The following CMTM7 variants were observed in gnomAD, a reference collection of about 807,000 sequenced individuals.
The protein encoded by CMTM7 is CKLF like MARVEL transmembrane domain containing 7.
In CMTM7, 7 loss-of-function variants were observed where a neutral mutation model predicts 19.3. The observed-to-expected ratio is 0.36, with a 90% CI of 0.21 to 0.68. CMTM7 has a LOEUF of 0.68. Among genes scored for constraint, CMTM7 ranks in the 30% least tolerant of loss-of-function variants. CMTM7 has a pLI of 0.60. For missense variants in CMTM7, 193 were observed against 232.6 expected (o/e 0.83, Z 1.11); for synonymous variants, 87 against 99.3 (o/e 0.88, Z 0.74).
intron 1 of CMTM7, among the ~76,000 whole-genome samples, chr3:32,413,053 C>G (rs556177826): frequency 1.3e-5 from 2 of 152,208 alleles, no homozygotes; most frequent in Non-Finnish European, 2.9e-5. Flanking sequence ...CAAATCTGGC[C>G]TGCCACCTGT....
intron 1 of CMTM7, among the ~76,000 whole-genome samples, chr3:32,422,137 G>A (rs1696353557): frequency 6.6e-6 from 1 of 152,188 alleles, no homozygotes; most frequent in African/African-American, 2.4e-5. Context: ...ACAACGTGAT[G>A]ATCACACGTT....
chr3:32,407,958 C>A (rs971349741), intron 1 of CMTM7, among the ~76,000 whole-genome samples: 4 of 152,176 alleles, frequency 2.6e-5, no homozygotes, highest in Non-Finnish European at 4.4e-5. Context: ...AGAATGTTCC[C>A]TTACTTGGAA....
intron 2 of CMTM7, among the ~76,000 whole-genome samples, chr3:32,443,954 T>C (rs540356708): frequency 1.1e-4 from 16 of 152,356 alleles, no homozygotes; most frequent in Non-Finnish European, 1.3e-4. Flanking sequence ...TTCTATAGTC[T>C]GGATAAAAGT....
intron 1 of CMTM7, among the ~76,000 whole-genome samples, chr3:32,413,530 A>G (rs1396181749): frequency 2.0e-5 from 3 of 152,202 alleles, no homozygotes; most frequent in Non-Finnish European, 4.4e-5. Context: ...CTTCATCTCC[A>G]TTATAACTCC....
chr3:32,445,767 C>T (rs752160768), intron 2 of CMTM7, among the ~76,000 whole-genome samples: 4 of 152,184 alleles, frequency 2.6e-5, no homozygotes, highest in Non-Finnish European at 4.4e-5. Context: ...CCTCCTTCCT[C>T]GGCCTCTGAA....
intron 1 of CMTM7, among the ~76,000 whole-genome samples, chr3:32,412,379 C>T (rs1238545612): frequency 6.6e-6 from 1 of 151,866 alleles, no homozygotes; most frequent in Non-Finnish European, 1.5e-5. Context: ...CCCAGCTACT[C>T]GGGAGGCTGA....
intron 1 of CMTM7, among the ~76,000 whole-genome samples, chr3:32,418,003 G>A (rs1445120752): frequency 6.6e-6 from 1 of 151,992 alleles, no homozygotes; most frequent in Non-Finnish European, 1.5e-5. Context: ...TGTATTTTTT[G>A]TAGAGACCAG....
At position 32,394,842 on chromosome 3, in the gene CMTM7, C is replaced by T. The variant is rs150167052; in HGVS notation, c.159+2777C>T. 9.3e-3 allele frequency among the ~76,000 whole-genome samples: 1,414 copies of T among 151,844 alleles called. 19 individuals are homozygous for T. The highest frequency in any genetic ancestry group is 0.033 in the African/African-American group (1,359 of 41,360). ...TCACGAGTAGCTGGGACTACAGGCA[C>T]GTGCCACCACACCCAGCTAATTTTT... On this transcript the variant is annotated intron_variant, in intron 1 of 4. Coordinates refer to ENST00000334983, the MANE Select transcript of CMTM7 (RefSeq NM_138410.4).
Position 32,424,838 on chromosome 3 carries a change from G to A in CMTM7, c.160-17002G>A, listed in dbSNP as rs1559408441. ...CTTTTCAATTTTTTGTAGAGATGGG[G>A]TTTTGCCGTGTTGCCCAGGCTGGTC... is the stretch of plus-strand genomic sequence containing the variant. On this transcript the variant is annotated intron_variant, in intron 1 of 4. Transcript: ENST00000334983. Among the ~76,000 whole-genome samples, 3 of 152,148 alleles carry A rather than the reference G, an allele frequency of 2.0e-5. No individual in the cohort carries two copies. The South Asian group carries it at 6.2e-4, about 31-fold the overall frequency.
chr3:32,435,978 C>G (rs1241503885), intron 1 of CMTM7, among the ~76,000 whole-genome samples: 1 of 152,164 alleles, frequency 6.6e-6, no homozygotes, highest in African/African-American at 2.4e-5. Context: ...TGTGTCCTTC[C>G]AGAATTACCC....
chr3:32,396,492 G>T (rs1169525059), intron 1 of CMTM7, among the ~76,000 whole-genome samples: 1 of 152,096 alleles, frequency 6.6e-6, no homozygotes, highest in East Asian at 1.9e-4. Context: ...GGGTGACACA[G>T]CGAGACTCCG....
chr3:32,401,853 G>C lies in CMTM7; in HGVS notation c.159+9788G>C, dbSNP rs971252452. On this transcript the variant is annotated intron_variant, in intron 1 of 4. Coordinates refer to ENST00000334983, the MANE Select transcript of CMTM7 (RefSeq NM_138410.4). Reference sequence around the variant, plus strand: ...TCCAGCCCAGCGCCGGCAGCAGCCCGGGGGCTGCGGAGCGGAAAGGGGGCT... The same window carrying C: ...TCCAGCCCAGCGCCGGCAGCAGCCCCGGGGCTGCGGAGCGGAAAGGGGGCT... Among the ~76,000 whole-genome samples the C allele has an allele frequency of 2.6e-5, 4 of 152,218 alleles. No individual in the cohort carries two copies. The South Asian group carries it at 8.3e-4, about 31-fold the overall frequency.
chr3:32,407,414 C>A (rs11920938), intron 1 of CMTM7, among the ~76,000 whole-genome samples: 29,897 of 152,054 alleles, frequency 0.2, 4,321 homozygotes, highest in African/African-American at 0.41. Flanking sequence ...AATGGGAAGC[C>A]AAATTATTTC....
intron 1 of CMTM7, among the ~76,000 whole-genome samples, chr3:32,412,480 GACACACACACAC>G (rs3081435): frequency 0.085 from 10,215 of 120,072 alleles, 553 homozygotes; most frequent in East Asian, 0.2. Flanking sequence ...GATTGAGACT[GACACACACACAC>G]ACACACACAC....
At chr3:32,423,983 A>G (rs911123821) in intron 1 of CMTM7, among the ~76,000 whole-genome samples, 6 of 152,192 alleles carry the variant, frequency 3.9e-5, no homozygotes, top group Non-Finnish European at 8.8e-5. Context: ...TTTCTCTTTA[A>G]GTGCTTGTTC....
intron 1 of CMTM7, among the ~76,000 whole-genome samples, chr3:32,414,996 C>T (rs1696238364): frequency 6.6e-6 from 1 of 152,026 alleles, no homozygotes; most frequent in Admixed American, 6.6e-5. Context: ...ATTGTCTTGC[C>T]TCTCTTCTGT....
At chr3:32,453,573 C>T (rs527531160) in intron 4 of CMTM7, among the ~76,000 whole-genome samples, 1 of 152,246 alleles carries the variant, frequency 6.6e-6, no homozygotes, top group Admixed American at 6.5e-5. Context: ...CTCATGGAAT[C>T]CTACACTGAG....
intron 1 of CMTM7, among the ~76,000 whole-genome samples, chr3:32,394,418 A>T (rs187379096): frequency 2.4e-3 from 370 of 152,270 alleles, no homozygotes; most frequent in Non-Finnish European, 4.1e-3. Context: ...TTCTCATGAA[A>T]TGTTTTCATC....
At chr3:32,420,781 G>A (rs1316963632) in intron 1 of CMTM7, among the ~76,000 whole-genome samples, 2 of 152,224 alleles carry the variant, frequency 1.3e-5, no homozygotes, top group African/African-American at 4.8e-5. Context: ...CCTCAGAACT[G>A]GGTCTGGGGG....
Sources: allele counts gnomAD v4.1 joint callset (sites outside exome capture counted in the v4.1 genomes callset), GRCh38; gene constraint gnomAD v4.1.1; transcripts MANE v1.5; gene names NCBI Gene and HGNC (gene_info 2026-07-23, HGNC 2026-07-21).